Variants in TPTE2 observed in about 807,000 individuals in gnomAD.
TPTE2 encodes phosphatidylinositol 3,4,5-trisphosphate 3-phosphatase TPTE2.
A neutral mutation model predicts 78.6 loss-of-function variants in TPTE2; 53 were observed. The ratio of observed to expected loss-of-function variants is 0.67; its 90% CI spans 0.54 to 0.85. The LOEUF (loss-of-function observed/expected upper bound fraction) is 0.85. Among genes scored for constraint, TPTE2 ranks in the 40% least tolerant of loss-of-function variants. TPTE2 has a pLI of 0.00. For synonymous variants in TPTE2, 175 were observed against 206.2 expected (o/e 0.85, Z 1.30); for missense variants, 461 against 623.0 (o/e 0.74, Z 2.77).
chr13:19,511,232 C>T (rs1444987601), intron 1 of TPTE2, among the ~76,000 whole-genome samples: 2 of 152,124 alleles, frequency 1.3e-5, no homozygotes, highest in African/African-American at 2.4e-5. Flanking sequence ...CTAGGGGATG[C>T]ATGCTGTGGA....
exon 20 of TPTE2, chr13:19,422,907 A>T (rs1459014720): frequency 1.4e-6 from 1 of 726,562 alleles, no homozygotes; most frequent in Non-Finnish European, 2.0e-6. Flanking sequence ...TAGATTTATG[A>T]AGAACATATA....
chr13:19,531,050 C>G (rs1451160589), intron 1 of TPTE2, among the ~76,000 whole-genome samples: 1 of 152,120 alleles, frequency 6.6e-6, no homozygotes, highest in African/African-American at 2.4e-5. Flanking sequence ...GTTTCTGTCT[C>G]TATGAATTTG....
chr13:19,544,006 G>A, the TPTE2 span, among the ~76,000 whole-genome samples: 1 of 122,986 alleles, frequency 8.1e-6, no homozygotes, highest in East Asian at 3.0e-4. Context: ...AGGCTATAAT[G>A]AGCTGTGATC....
chr13:19,547,484 A>G, the TPTE2 span, among the ~76,000 whole-genome samples: 1 of 152,050 alleles, frequency 6.6e-6, no homozygotes, highest in Admixed American at 6.6e-5. Flanking sequence ...TACTTATGGC[A>G]ATTTAAAATA....
intron 1 of TPTE2, among the ~76,000 whole-genome samples, chr13:19,511,202 A>C (rs1869415130): frequency 6.6e-6 from 1 of 152,232 alleles, no homozygotes; most frequent in Non-Finnish European, 1.5e-5. Flanking sequence ...AATGGTAGGA[A>C]GCAATATATG....
intron 4 of TPTE2, among the ~76,000 whole-genome samples, chr13:19,482,079 A>C (rs1880389581): frequency 1.3e-5 from 2 of 152,122 alleles, no homozygotes; most frequent in African/African-American, 4.8e-5. Context: ...AGTCAGCAAA[A>C]CATGTTTGCT....
intron 4 of TPTE2, among the ~76,000 whole-genome samples, chr13:19,476,641 A>G (rs1879956032): frequency 6.6e-6 from 1 of 152,218 alleles, no homozygotes; most frequent in Non-Finnish European, 1.5e-5. Context: ...TTTTAGAGAA[A>G]TGCAAATCAA....
chr13:19,548,462 CT>C, the TPTE2 span, among the ~76,000 whole-genome samples: 3 of 152,026 alleles, frequency 2.0e-5, no homozygotes, highest in Admixed American at 6.6e-5. Flanking sequence ...ACTTATCTCA[CT>C]GTTCTTCTTG....
chr13:19,437,431 AT>A (rs1877176985), intron 14 of TPTE2, among the ~76,000 whole-genome samples: 1 of 152,216 alleles, frequency 6.6e-6, no homozygotes, highest in Non-Finnish European at 1.5e-5. Flanking sequence ...CTAATCAGAA[AT>A]TTCTAGAGGT....
At chr13:19,445,729 G>A (rs1266551833) in intron 13 of TPTE2, among the ~76,000 whole-genome samples, 7 of 152,180 alleles carry the variant, frequency 4.6e-5, no homozygotes, top group African/African-American at 2.4e-5. Flanking sequence ...ATCACTTGAG[G>A]TCAGGAATTT....
At chr13:19,436,850 A>T (rs1422391981) in intron 14 of TPTE2, among the ~76,000 whole-genome samples, 1 of 152,176 alleles carries the variant, frequency 6.6e-6, no homozygotes, top group Non-Finnish European at 1.5e-5. Context: ...TTTCCATATT[A>T]CAAATGACAA....
the TPTE2 span, chr13:19,560,896 A>T: frequency 6.3e-7 from 1 of 1,579,860 alleles, no homozygotes; most frequent in Non-Finnish European, 8.6e-7. Context: ...TGGTGATCTC[A>T]CACTCGTTGG....
In TPTE2 at chr13:19,486,666, TG is replaced by T. The variant is rs543150025; in HGVS notation, c.120-4120del. 7.2e-5 allele frequency among the ~76,000 whole-genome samples: 11 copies of T among 152,302 alleles called. No individual in the cohort carries two copies. In the South Asian group the frequency reaches 2.3e-3, roughly 32 times the overall value. ...CTCATCTGGCCTGCAGCCAGTCTGC[TG>T]GGGGAAACTCATGGGCCAAATATAC... On this transcript the variant is annotated intron_variant, in intron 3 of 19. Coordinates refer to ENST00000400230, the Ensembl canonical transcript of TPTE2. The surrounding 1 kb of genome is among the most constrained non-coding windows in gnomAD (Gnocchi z 4.3).
At chr13:19,497,568 A>C (rs1881448515) in intron 1 of TPTE2, among the ~76,000 whole-genome samples, 1 of 76,594 alleles carries the variant, frequency 1.3e-5, no homozygotes, top group Non-Finnish European at 3.7e-5. Context: ...AGGGTATTCC[A>C]ACAGACCTGC....
At chr13:19,449,602 A>G (rs1878050289) in intron 13 of TPTE2, among the ~76,000 whole-genome samples, 2 of 152,230 alleles carry the variant, frequency 1.3e-5, no homozygotes, top group Admixed American at 6.5e-5. Flanking sequence ...GTGGAGTAAT[A>G]CATATGTTAA....
chr13:19,436,804 TG>T (rs1877124189), intron 14 of TPTE2, among the ~76,000 whole-genome samples: 1 of 152,146 alleles, frequency 6.6e-6, no homozygotes, highest in African/African-American at 2.4e-5. Context: ...ATTTTAGAGC[TG>T]GAAACACCAT....
chr13:19,537,693 C>T (rs1871291425), upstream of TPTE2, among the ~76,000 whole-genome samples: 2 of 150,686 alleles, frequency 1.3e-5, no homozygotes, highest in Non-Finnish European at 1.5e-5. Flanking sequence ...ACCTCTGTCT[C>T]CTGGGTTCAA....
At chr13:19,424,317 T>A (rs980378615) in intron 19 of TPTE2, among the ~76,000 whole-genome samples, 11 of 152,198 alleles carry the variant, frequency 7.2e-5, no homozygotes, top group Non-Finnish European at 1.2e-4. Flanking sequence ...GACTGAGAAA[T>A]GTGGTTCCAA....
Position 19,457,549 on chromosome 13 carries a change from G to A in TPTE2, c.742-6324C>T, listed in dbSNP as rs1878615795. Among the ~76,000 whole-genome samples, 4 of 150,566 alleles carry A rather than the reference G, an allele frequency of 2.7e-5. No homozygotes were observed. In the South Asian group the frequency reaches 8.5e-4, roughly 32 times the overall value. ...ATCCCCTCCCTCCCCACAGGCCCCA[G>A]TGTGTGTTGTTCCCCATTGTGTGCT... On this transcript the variant is annotated intron_variant, in intron 10 of 19. Transcript: ENST00000400230.
Sources: allele counts gnomAD v4.1 joint callset (sites outside exome capture counted in the v4.1 genomes callset), GRCh38; gene constraint gnomAD v4.1.1; non-coding constraint Gnocchi (gnomAD v3.1); transcripts MANE v1.5; gene names NCBI Gene and HGNC (gene_info 2026-07-23, HGNC 2026-07-21).